BBOF1: variants seen among roughly 807,000 people sequenced by gnomAD.
The protein encoded by BBOF1 is basal body-orientation factor 1.
A neutral mutation model predicts 68.0 loss-of-function variants in BBOF1; 62 were observed. The ratio of observed to expected loss-of-function variants is 0.91; its 90% confidence interval spans 0.74 to 1.13. The LOEUF is 1.13. BBOF1 is among the 50% of genes most tolerant of loss of function. The probability of loss-of-function intolerance (pLI) is 0.00; values close to 1 mark genes in which losing one functional copy is unlikely to be tolerated. For synonymous variants in BBOF1, 208 were observed against 198.8 expected, an observed-to-expected ratio of 1.05 and a Z score of -0.39; for missense variants, 534 against 600.1, an observed-to-expected ratio of 0.89 and a Z score of 1.15.
downstream of BBOF1, among the ~76,000 whole-genome samples, chr14:74,070,284 C>T (rs1284411580): frequency 6.6e-6 from 1 of 151,972 alleles, no homozygotes; most frequent in African/African-American, 2.4e-5. Context: ...TTTGGGAGGC[C>T]GAGGCGGGTG....
Position 74,028,876 on chromosome 14 carries a change from T to C in BBOF1, c.286-308T>C, listed in dbSNP as rs889754204. On this transcript the variant is annotated intron_variant, in intron 2 of 11. Coordinates refer to ENST00000394009, the MANE Select transcript of BBOF1 (RefSeq NM_025057.3). ...GGCATGTGCCACCACGCCTGGCTAA[T>C]TTCATAGTTTTAGTAGAGAAGGGGT... Among the ~76,000 whole-genome samples the C allele has an allele frequency of 2.0e-5, 3 of 151,930 alleles. No individual in the cohort carries two copies. In the East Asian group the frequency reaches 5.9e-4, roughly 30 times the overall value.
chr14:74,050,848 C>T (rs144772431), intron 8 of BBOF1, among the ~76,000 whole-genome samples: 1 of 152,244 alleles, frequency 6.6e-6, no homozygotes, highest in East Asian at 1.9e-4. Flanking sequence ...GTGGCTTACA[C>T]CTGTAATCCC....
At chr14:74,033,821 G>A (rs1293613238) in intron 3 of BBOF1, among the ~76,000 whole-genome samples, 1 of 150,858 alleles carries the variant, frequency 6.6e-6, no homozygotes, top group African/African-American at 2.4e-5. Flanking sequence ...AGCCAAGATC[G>A]CGCCATCGCA....
intron 4 of BBOF1, among the ~76,000 whole-genome samples, chr14:74,036,011 T>G (rs777072998): frequency 1.3e-5 from 2 of 152,012 alleles, no homozygotes; most frequent in African/African-American, 2.4e-5. Context: ...ACCATACCAC[T>G]GCAGTCCAGT....
intron 9 of BBOF1, chr14:74,074,895 A>G: frequency 6.5e-7 from 1 of 1,532,252 alleles, no homozygotes; most frequent in Non-Finnish European, 9.0e-7. Context: ...GAAGATAGAG[A>G]TACCCAAAAC....
At chr14:74,036,052 T>C (rs946832242) in intron 4 of BBOF1, among the ~76,000 whole-genome samples, 2 of 151,738 alleles carry the variant, frequency 1.3e-5, no homozygotes, top group Non-Finnish European at 2.9e-5. Flanking sequence ...ACTTTTAAAA[T>C]ATCACAGTTC....
rs755525883 is a variant in BBOF1 at position 74,049,861 on chromosome 14, A to G, written c.952A>G (p.Met318Val). 2.9e-5 allele frequency: 47 copies of G among 1,614,062 alleles called. No homozygotes were observed. The highest frequency in any genetic ancestry group is 3.7e-5 in the Non-Finnish European group (44 of 1,180,042). The change falls in exon 8 of 12, where the codon ATG (methionine) becomes GTG (valine). Residue 318 changes from methionine to valine, a missense_variant. By Grantham distance (21) the Met-to-Val change is conservative. Transcript: ENST00000394009. The part of the protein sequence containing the change: ...SEVLKLQQHA[M>V]IENQAGQVEI... ...AGTTTTAAAACTGCAGCAACACGCAATGATAGAGAACCAAGCAGGTCAGGT... is the reference window on the plus strand; with the variant it reads ...AGTTTTAAAACTGCAGCAACACGCAGTGATAGAGAACCAAGCAGGTCAGGT...
chr14:74,079,556 TTGAG>T (rs1264716963), intron 10 of BBOF1, among the ~76,000 whole-genome samples: 1 of 151,766 alleles, frequency 6.6e-6, no homozygotes, highest in Non-Finnish European at 1.5e-5. Flanking sequence ...CCTCAGCCTC[TTGAG>T]TAACTGGGAC....
Position 74,053,222 on chromosome 14 carries a change from C to T in BBOF1, c.1287-2362C>T, listed in dbSNP as rs144707443. On this transcript the variant is annotated intron_variant, in intron 8 of 11. Transcript: ENST00000394009. ...CTGACTTCCGGGTTCAAGCGATTCT[C>T]CTGCCTCAGCCTCCCAAGTAGCTGG... 7.7e-4 allele frequency among the ~76,000 whole-genome samples: 117 copies of T among 151,792 alleles called. 1 individual carries two copies. The East Asian group carries it at 0.021, about 27-fold the overall frequency.
chr14:74,060,695 C>T (rs1162172204), intron 11 of BBOF1: 1 of 1,613,960 alleles, frequency 6.2e-7, no homozygotes, highest in Non-Finnish European at 8.5e-7. Context: ...GTAGCATCTT[C>T]TTCTTTCCAC....
chr14:74,039,035 T>C (rs1295697633), intron 4 of BBOF1, among the ~76,000 whole-genome samples: 1 of 152,230 alleles, frequency 6.6e-6, no homozygotes, highest in East Asian at 1.9e-4. Flanking sequence ...GACAAAATGA[T>C]AATACTCATC....
At chr14:74,069,962 C>A (rs562785484), downstream of BBOF1, among the ~76,000 whole-genome samples, 7 of 150,594 alleles carry the variant, frequency 4.6e-5, no homozygotes, top group African/African-American at 1.7e-4. Context: ...AGCTGTCTTC[C>A]CACCTCATGG....
intron 9 of BBOF1, among the ~76,000 whole-genome samples, chr14:74,074,687 TGACA>T (rs888353533): frequency 3.9e-5 from 6 of 152,132 alleles, no homozygotes; most frequent in Non-Finnish European, 7.4e-5. Context: ...TGGAAGTGGT[TGACA>T]GACAGATGAT....
chr14:74,050,107 A>G lies in BBOF1; in HGVS notation c.1198A>G (p.Arg400Gly), dbSNP rs1458466729. The G allele has an allele frequency of 6.2e-7, 1 of 1,612,430 alleles. No homozygotes were observed. Among genetic ancestry groups the G allele is most frequent in the African/African-American group, 1.3e-5 (1 of 74,880 alleles). Reference sequence around the variant, plus strand: ...AAAAATGAGAGCAGCATGTACAGGAAGAACAGAATATCCCAAAATCAGAAC... The same window carrying G: ...AAAAATGAGAGCAGCATGTACAGGAGGAACAGAATATCCCAAAATCAGAAC... ...NLKMRAACTG[R>G]TEYPKIRTFD... is the part of the protein sequence containing the mutation. The change falls in exon 8 of 12, where the codon AGA becomes GGA. Residue 400 changes from arginine to glycine, a missense_variant. Physicochemically the swap from Arg to Gly is moderately radical, Grantham distance 125 (BLOSUM62 -2). Coordinates refer to ENST00000394009, the MANE Select transcript of BBOF1 (RefSeq NM_025057.3).
At chr14:74,073,249 A>G (rs2060574324) in intron 9 of BBOF1, among the ~76,000 whole-genome samples, 1 of 152,072 alleles carries the variant, frequency 6.6e-6, no homozygotes, top group African/African-American at 2.4e-5. Context: ...GACTACAGGC[A>G]CATGCTACCA....
At chr14:74,030,023 A>C (rs376731749) in intron 3 of BBOF1, among the ~76,000 whole-genome samples, 4 of 152,164 alleles carry the variant, frequency 2.6e-5, no homozygotes, top group African/African-American at 9.7e-5. Flanking sequence ...ACCACCAAAA[A>C]TAAATTGCTG....
intron 8 of BBOF1, among the ~76,000 whole-genome samples, chr14:74,054,277 T>C (rs1210177668): frequency 6.6e-6 from 1 of 151,924 alleles, no homozygotes; most frequent in Non-Finnish European, 1.5e-5. Flanking sequence ...CCCAAATTAC[T>C]GGGATTACGG....
At position 74,065,011 on chromosome 14, in the gene BBOF1, C is replaced by A; in HGVS notation, c.*312C>A. On this transcript the variant is annotated 3_prime_UTR_variant, in exon 12 of 12. Coordinates refer to ENST00000394009, the MANE Select transcript of BBOF1 (RefSeq NM_025057.3). ...GCATCAGAGACCAGTTTTAAATACCCACCTTCTACCCTATCCTCTACCCCA... is the reference window on the plus strand; with the variant it reads ...GCATCAGAGACCAGTTTTAAATACCAACCTTCTACCCTATCCTCTACCCCA... 1 of 1,377,206 alleles carries A rather than the reference C, an allele frequency of 7.3e-7. No homozygotes were observed. 85.3% of individuals were successfully genotyped at this position (1,377,206 alleles called of 1,614,324 possible).
rs772531778 is a variant in BBOF1, at chr14:74,034,156, G to A, written c.480G>A (p.Glu160=). 6.4e-7 allele frequency: 1 copy of A among 1,570,936 alleles called. No individual in the cohort carries two copies. The highest frequency in any genetic ancestry group is 8.6e-7 in the Non-Finnish European group (1 of 1,160,518). ...TCCAGAAGAGAAAAATCCAAGTGGA[G>A]AGAGAGTTAGATGATGTAAGTTTCA... The part of the protein sequence containing the change: ...RQFQKRKIQV[E]RELDDLKENL... Residue 160 remains glutamate, a synonymous_variant, in exon 4 of 12, where the codon GAG becomes GAA. Transcript: ENST00000394009.
Sources: allele counts gnomAD v4.1 joint callset (sites outside exome capture counted in the v4.1 genomes callset), GRCh38; gene constraint gnomAD v4.1.1; transcripts MANE v1.5; gene names NCBI Gene and HGNC (gene_info 2026-07-23, HGNC 2026-07-21).